Variants in UGGT2 observed in about 807,000 individuals in gnomAD.
UGGT2 encodes UDP-glucose glycoprotein glucosyltransferase 2.
In UGGT2, 180 loss-of-function variants were observed where a neutral mutation model predicts 192.1. The ratio of observed to expected loss-of-function variants is 0.94; its 90% confidence interval spans 0.83 to 1.06. The LOEUF is 1.06. Among genes scored for constraint, UGGT2 ranks in the 50% least tolerant of loss-of-function variants. The pLI is 0.00. For synonymous variants in UGGT2, 580 were observed against 591.0 expected (o/e 0.98, Z 0.27); for missense variants, 1,849 against 1,795.7 (o/e 1.03, Z -0.54).
At chr13:96,042,259 T>C (rs1265384456) in intron 1 of UGGT2, among the ~76,000 whole-genome samples, 2 of 152,028 alleles carry the variant, frequency 1.3e-5, no homozygotes, top group African/African-American at 2.4e-5. Flanking sequence ...GGTGGCTAGA[T>C]CCAGAACAAT....
chr13:95,952,211 A>G (rs916765161), intron 12 of UGGT2, among the ~76,000 whole-genome samples: 3 of 152,132 alleles, frequency 2.0e-5, no homozygotes, highest in African/African-American at 7.2e-5. Context: ...AGGAAAAAAA[A>G]AAGAAGAAAA....
chr13:96,009,138 T>C (rs1448372953), intron 5 of UGGT2, among the ~76,000 whole-genome samples: 7 of 152,170 alleles, frequency 4.6e-5, no homozygotes, highest in Non-Finnish European at 2.9e-5. Flanking sequence ...TGGCTAGCCA[T>C]ATGCAGAAGA....
chr13:95,974,028 T>C (rs1187754953), intron 10 of UGGT2, among the ~76,000 whole-genome samples: 1 of 152,206 alleles, frequency 6.6e-6, no homozygotes, highest in Non-Finnish European at 1.5e-5. Flanking sequence ...TGAACTACTC[T>C]GTAAAGGCAG....
At position 95,801,681 on chromosome 13, in the gene UGGT2, C is replaced by T; in HGVS notation, c.*109G>A. 2 of 1,087,296 alleles carry T rather than the reference C, an allele frequency of 1.8e-6. No homozygotes were observed. Among genetic ancestry groups the T allele is most frequent in the Non-Finnish European group, 1.4e-6 (1 of 740,178 alleles). 67.4% of individuals were successfully genotyped at this position (1,087,296 alleles called of 1,614,324 possible). A position where few individuals can be genotyped will look rare whatever the true frequency, so the allele number is the denominator to read the frequency against. ...AATTTTTTAAAATTAAAGAATATGT[C>T]ACTGATCTTAACGAGACTTCCAAAT... On this transcript the variant is annotated 3_prime_UTR_variant, in exon 39 of 39. Coordinates refer to ENST00000376747, the MANE Select transcript of UGGT2 (RefSeq NM_020121.4).
intron 38 of UGGT2, among the ~76,000 whole-genome samples, chr13:95,819,011 ACT>A (rs1594066326): frequency 6.6e-6 from 1 of 152,170 alleles, no homozygotes; most frequent in Non-Finnish European, 1.5e-5. Flanking sequence ...AGTCTAGGAA[ACT>A]CTTTCATTCA....
At chr13:96,031,341 G>A (rs2052829189) in intron 2 of UGGT2, among the ~76,000 whole-genome samples, 1 of 152,086 alleles carries the variant, frequency 6.6e-6, no homozygotes, top group South Asian at 2.1e-4. Flanking sequence ...GGGGAGACAA[G>A]GCCTCTCTCT....
intron 36 of UGGT2, among the ~76,000 whole-genome samples, chr13:95,848,601 G>A (rs1425991573): frequency 6.6e-6 from 1 of 152,026 alleles, no homozygotes; most frequent in South Asian, 2.1e-4. Flanking sequence ...ATATTTATGT[G>A]GATTTATTTC....
intron 10 of UGGT2, among the ~76,000 whole-genome samples, chr13:95,982,889 A>T (rs1378610417): frequency 6.6e-6 from 1 of 152,136 alleles, no homozygotes; most frequent in East Asian, 1.9e-4. Context: ...GGTTCCTAAC[A>T]CCTGTTCTCC....
At chr13:95,825,847 C>A (rs1045089590) in intron 38 of UGGT2, among the ~76,000 whole-genome samples, 2 of 152,122 alleles carry the variant, frequency 1.3e-5, no homozygotes, top group South Asian at 2.1e-4. Flanking sequence ...TGTCTGAATT[C>A]TTTTGTCCCA....
chr13:96,038,122 T>C (rs2053058953), intron 1 of UGGT2, among the ~76,000 whole-genome samples: 1 of 152,262 alleles, frequency 6.6e-6, no homozygotes, highest in East Asian at 1.9e-4. Context: ...GACAAACTAG[T>C]TTCCACAAGT....
At position 95,979,417 on chromosome 13, in the gene UGGT2, C is replaced by T. The variant is rs1474352047; in HGVS notation, c.1092+4387G>A. 5.3e-5 allele frequency among the ~76,000 whole-genome samples: 8 copies of T among 152,108 alleles called. No homozygotes were observed. The South Asian group carries it at 1.5e-3, about 28-fold the overall frequency. On this transcript the variant is annotated intron_variant, in intron 10 of 38. Transcript: ENST00000376747. ...GAAGAATTATGCCAATCCTGGCACC[C>T]TTCACCCGTTTCATCCCTGGCTCTT...
intron 1 of UGGT2, among the ~76,000 whole-genome samples, chr13:96,052,231 A>G (rs1394224898): frequency 2.0e-5 from 3 of 152,202 alleles, no homozygotes; most frequent in African/African-American, 4.8e-5. Flanking sequence ...AAAACCAAAT[A>G]TAGTATGTTC....
At chr13:95,822,735 GT>G (rs1334249966) in intron 38 of UGGT2, among the ~76,000 whole-genome samples, 2 of 151,852 alleles carry the variant, frequency 1.3e-5, no homozygotes, top group Admixed American at 1.3e-4. Context: ...TATCAATTTT[GT>G]TTATCTTTTC....
Position 95,909,079 on chromosome 13 carries a change from A to G in UGGT2, c.2296-6019T>C, listed in dbSNP as rs954596442. Among the ~76,000 whole-genome samples the G allele has an allele frequency of 3.2e-3, 485 of 152,048 alleles. 3 individuals carry two copies. The highest frequency in any genetic ancestry group is 0.011 in the African/African-American group (457 of 41,466). On this transcript the variant is annotated intron_variant, in intron 20 of 38. Coordinates refer to ENST00000376747, the MANE Select transcript of UGGT2 (RefSeq NM_020121.4). ...TTTCTTGTAGGGTTTTTATGGTTTT[A>G]GGTCTAACGTTTAAGTCTTTAATCC...
intron 3 of UGGT2, 111 bp from the exon 4 acceptor site, chr13:96,023,263 T>C (rs1016330389): frequency 5.8e-5 from 49 of 837,752 alleles, no homozygotes; most frequent in Non-Finnish European, 7.7e-5. Flanking sequence ...TATTAAGTTA[T>C]TGCTCTAATT....
chr13:95,878,962 C>T (rs553167433), intron 27 of UGGT2, among the ~76,000 whole-genome samples: 38 of 152,176 alleles, frequency 2.5e-4, no homozygotes, highest in African/African-American at 6.5e-4. Context: ...ACTATTCTAG[C>T]GATAAACTTT....
chr13:96,007,454 T>C (rs1024855612), intron 5 of UGGT2, among the ~76,000 whole-genome samples: 1 of 151,966 alleles, frequency 6.6e-6, no homozygotes. Flanking sequence ...TTAGCCAGAG[T>C]AATAAGGCAA....
rs1237297454 is a variant in UGGT2 at position 96,023,093 on chromosome 13, C to T, written c.432G>A (p.Lys144=). ...GCNAFVVIHK[K]HTCKINEIKK... ...TAATCTCATTAATTTTACAGGTGTG[C>T]TTCTTATGAATAACCACAAATGCAT... Residue 144 remains lysine (K), a synonymous_variant, in exon 4 of 39, where the codon AAG becomes AAA. Coordinates refer to ENST00000376747, the MANE Select transcript of UGGT2 (RefSeq NM_020121.4). 2.5e-6 allele frequency: 4 copies of T among 1,594,574 alleles called. No individual in the cohort carries two copies. The highest frequency in any genetic ancestry group is 1.7e-5 in the Admixed American group (1 of 58,534).
intron 20 of UGGT2, among the ~76,000 whole-genome samples, chr13:95,915,970 C>T (rs2048669886): frequency 1.3e-5 from 2 of 152,200 alleles, no homozygotes; most frequent in Non-Finnish European, 2.9e-5. Flanking sequence ...AGCTGTTCCA[C>T]TCAGCCGGCT....
Sources: allele counts gnomAD v4.1 joint callset (sites outside exome capture counted in the v4.1 genomes callset), GRCh38; gene constraint gnomAD v4.1.1; transcripts MANE v1.5; gene names NCBI Gene and HGNC (gene_info 2026-07-23, HGNC 2026-07-21).